The following SPON1 variants were observed in gnomAD, a reference collection of about 807,000 sequenced individuals.
The protein encoded by SPON1 is spondin-1.
Under a neutral mutation model 111.7 loss-of-function variants are expected in SPON1, and 52 were observed. The ratio of observed to expected loss-of-function variants is 0.47; its 90% CI spans 0.37 to 0.59. SPON1 has a LOEUF of 0.59. SPON1 is among the 20% of genes least tolerant of loss of function. SPON1 has a pLI of 0.00. For synonymous variants in SPON1, 410 were observed against 395.8 expected (o/e 1.04, Z -0.43); for missense variants, 957 against 1,068.5 (o/e 0.90, Z 1.46).
chr11:13,966,730 C>T (rs1291179108), intron 1 of SPON1, among the ~76,000 whole-genome samples: 8 of 152,296 alleles, frequency 5.3e-5, no homozygotes, highest in South Asian at 4.1e-4. Context: ...TGGTGGAAAG[C>T]GCACAGGCTT....
In SPON1 at chr11:14,160,550, TATATATATTTA is replaced by T. The variant is rs1564919073; in HGVS notation, c.825+24983_825+24993del. Among the ~76,000 whole-genome samples, 12 of 23,792 alleles carry T rather than the reference TATATATATTTA, an allele frequency of 5.0e-4. 1 individual carries two copies. The highest frequency in any genetic ancestry group is 2.3e-3 in the African/African-American group (11 of 4,778). 15.6% of individuals were successfully genotyped at this position (23,792 alleles called of 152,430 possible). A position where few individuals can be genotyped will look rare whatever the true frequency, so the allele number is the denominator to read the frequency against. On this transcript the variant is annotated intron_variant, in intron 6 of 15. Transcript: ENST00000576479. The stretch of plus-strand genomic sequence containing the variant: ...ATATATATATTTATATATATATTTA[TATATATATTTA>T]TATATATATTTATATATATATTTAC...
intron 2 of SPON1, among the ~76,000 whole-genome samples, chr11:14,025,475 T>G (rs1190673957): frequency 6.6e-6 from 1 of 152,190 alleles, no homozygotes; most frequent in Non-Finnish European, 1.5e-5. Flanking sequence ...GTTGTCATCT[T>G]AAATGTCCAT....
At chr11:14,078,699 G>A (rs782326391) in intron 4 of SPON1, among the ~76,000 whole-genome samples, 23 of 152,112 alleles carry the variant, frequency 1.5e-4, no homozygotes, top group Non-Finnish European at 2.1e-4. Context: ...TTACTGACCT[G>A]TAAAATGGGG....
intron 3 of SPON1, among the ~76,000 whole-genome samples, chr11:14,048,484 C>T (rs554447498): frequency 5.3e-5 from 8 of 152,212 alleles, no homozygotes; most frequent in Non-Finnish European, 8.8e-5. Context: ...CCAGGAGTGC[C>T]GGGAAGGAAA....
intron 5 of SPON1, among the ~76,000 whole-genome samples, chr11:14,122,411 G>A (rs1409894986): frequency 6.6e-6 from 1 of 152,156 alleles, no homozygotes; most frequent in Non-Finnish European, 1.5e-5. Context: ...CTGACCTCGT[G>A]ATCTGCCCGC....
chr11:14,014,818 T>C (rs1848432972), intron 2 of SPON1, among the ~76,000 whole-genome samples: 1 of 152,238 alleles, frequency 6.6e-6, no homozygotes, highest in African/African-American at 2.4e-5. Context: ...TTTTTTAAAG[T>C]ATTAATTTAA....
chr11:14,106,762 C>T (rs1373312233), intron 5 of SPON1, among the ~76,000 whole-genome samples: 2 of 152,146 alleles, frequency 1.3e-5, no homozygotes, highest in East Asian at 1.9e-4. Flanking sequence ...TAAAGCTGAT[C>T]GCCTGTGATC....
chr11:14,080,869 A>G (rs1169090497), intron 5 of SPON1, among the ~76,000 whole-genome samples: 1 of 152,070 alleles, frequency 6.6e-6, no homozygotes, highest in African/African-American at 2.4e-5. Flanking sequence ...GGATCCTTTG[A>G]GGCCAGGAGT....
chr11:14,219,052 C>T (rs1408570614), intron 6 of SPON1, among the ~76,000 whole-genome samples: 1 of 152,142 alleles, frequency 6.6e-6, no homozygotes, highest in Non-Finnish European at 1.5e-5. Context: ...ATTATTCCTG[C>T]CTTCCATGTC....
At chr11:13,999,456 G>T (rs1848299217) in intron 2 of SPON1, among the ~76,000 whole-genome samples, 1 of 150,542 alleles carries the variant, frequency 6.6e-6, no homozygotes, top group Non-Finnish European at 1.5e-5. Context: ...CATCTTGCTG[G>T]ATGCAGTGGC....
At chr11:14,028,009 C>T (rs1180561467) in intron 2 of SPON1, among the ~76,000 whole-genome samples, 14 of 152,094 alleles carry the variant, frequency 9.2e-5, no homozygotes, top group African/African-American at 3.4e-4. Flanking sequence ...ACAGCAGGTC[C>T]TCATGTGAAA....
intron 4 of SPON1, among the ~76,000 whole-genome samples, chr11:14,079,207 A>C (rs1848941327): frequency 6.6e-6 from 1 of 152,196 alleles, no homozygotes; most frequent in African/African-American, 2.4e-5. Context: ...CTTATCAGCT[A>C]TTCACAGCTA....
intron 3 of SPON1, among the ~76,000 whole-genome samples, chr11:14,069,027 C>T (rs1554920614): frequency 6.6e-6 from 1 of 152,160 alleles, no homozygotes; most frequent in Non-Finnish European, 1.5e-5. Flanking sequence ...AGTACAATCA[C>T]TTTGTATTCT....
At chr11:14,106,618 C>T (rs1162452963) in intron 5 of SPON1, among the ~76,000 whole-genome samples, 3 of 152,154 alleles carry the variant, frequency 2.0e-5, no homozygotes, top group South Asian at 4.1e-4. Context: ...CAAAGAAATA[C>T]TTGCAGCTTT....
At chr11:14,186,579 A>G (rs1215292274) in intron 6 of SPON1, among the ~76,000 whole-genome samples, 1 of 152,146 alleles carries the variant, frequency 6.6e-6, no homozygotes, top group Non-Finnish European at 1.5e-5. Flanking sequence ...TGTGCCACCC[A>G]CTCCAACCAG....
intron 2 of SPON1, among the ~76,000 whole-genome samples, chr11:13,986,291 A>G (rs1433766070): frequency 1.3e-5 from 2 of 152,336 alleles, no homozygotes; most frequent in South Asian, 2.1e-4. Flanking sequence ...TAACAAATAG[A>G]TAAAGACTTC....
intron 2 of SPON1, among the ~76,000 whole-genome samples, chr11:14,040,858 G>A (rs2133813318): frequency 6.6e-6 from 1 of 152,178 alleles, no homozygotes; most frequent in African/African-American, 2.4e-5. Flanking sequence ...ATATACTATA[G>A]TTCTGCAAGA....
intron 7 of SPON1, among the ~76,000 whole-genome samples, chr11:14,246,833 TA>T (rs1848996077): frequency 6.6e-6 from 1 of 152,104 alleles, no homozygotes; most frequent in African/African-American, 2.4e-5. Flanking sequence ...AAAGTGCCAT[TA>T]GGGGGGTTAG....
At position 14,060,954 on chromosome 11, in the gene SPON1, A is replaced by AAG. The variant is rs546750834; in HGVS notation, c.480-14390_480-14389dup. 1.5e-4 allele frequency among the ~76,000 whole-genome samples: 23 copies of AAG among 152,072 alleles called. No individual in the cohort carries two copies. The South Asian group carries it at 4.6e-3, about 30-fold the overall frequency. On this transcript the variant is annotated intron_variant, in intron 3 of 15. Transcript: ENST00000576479. ...TTAATTCTCTAGTTTGGTAAAAAAA[A>AAG]AGGCATAAATATGAGAAGTTATAAT... is the stretch of plus-strand genomic sequence containing the variant.
Sources: allele counts gnomAD v4.1 joint callset (sites outside exome capture counted in the v4.1 genomes callset), GRCh38; gene constraint gnomAD v4.1.1; transcripts MANE v1.5; gene names NCBI Gene and HGNC (gene_info 2026-07-23, HGNC 2026-07-21).